The following TACC1 variants were observed in gnomAD, a reference collection of about 807,000 sequenced individuals.
TACC1 encodes transforming acidic coiled-coil containing protein 1, also known as transforming acidic coiled-coil-containing protein 1.
A neutral mutation model predicts 84.4 loss-of-function variants in TACC1; 48 were observed. The observed-to-expected ratio is 0.57, with a 90% CI of 0.45 to 0.72. The LOEUF (loss-of-function observed/expected upper bound fraction) is 0.72, where lower values mean the gene tolerates loss of function less well. Ranked by LOEUF, TACC1 falls within the 30% of genes least tolerant of loss-of-function variation. The pLI is 0.00. For synonymous variants in TACC1, 372 were observed against 376.3 expected (o/e 0.99, Z 0.13); for missense variants, 920 against 973.0 (o/e 0.95, Z 0.72).
chr8:38,848,583 C>T lies in TACC1; in HGVS notation c.*560C>T, dbSNP rs1339470308. ...GATGCTGCTGCTCTTTTCCCTGAAG[C>T]ATAGTCAAGTAAGAACTGCTCTACA... is the stretch of plus-strand genomic sequence containing the variant. On this transcript the variant is annotated 3_prime_UTR_variant, in exon 13 of 13. Transcript: ENST00000317827. 2.6e-5 allele frequency: 4 copies of T among 152,792 alleles called. No individual in the cohort carries two copies. Among genetic ancestry groups the T allele is most frequent in the Admixed American group, 1.3e-4 (2 of 15,294 alleles). 9.5% of individuals were successfully genotyped at this position (152,792 alleles called of 1,614,324 possible). A position where few individuals can be genotyped will look rare whatever the true frequency, so the allele number is the denominator to read the frequency against.
At chr8:38,779,722 A>T (rs1815553375) in intron 3 of TACC1, among the ~76,000 whole-genome samples, 1 of 152,372 alleles carries the variant, frequency 6.6e-6, no homozygotes, top group Non-Finnish European at 1.5e-5. Flanking sequence ...TACTTTTTGC[A>T]TACAATTTCA....
At chr8:38,730,153 G>C (rs1804636036) in intron 1 of TACC1, among the ~76,000 whole-genome samples, 1 of 152,238 alleles carries the variant, frequency 6.6e-6, no homozygotes, top group African/African-American at 2.4e-5. Context: ...GATTGACGGA[G>C]GGATTTCTAG....
upstream of TACC1, among the ~76,000 whole-genome samples, chr8:38,785,064 T>A (rs1159927987): frequency 2.7e-5 from 4 of 146,820 alleles, no homozygotes; most frequent in Non-Finnish European, 6.0e-5. Context: ...ATGAGCCTGC[T>A]TCCCCCTGTA....
intron 3 of TACC1, among the ~76,000 whole-genome samples, chr8:38,767,190 A>G (rs914614513): frequency 6.6e-6 from 1 of 152,200 alleles, no homozygotes; most frequent in African/African-American, 2.4e-5. Flanking sequence ...TTGAGAAAAC[A>G]AAACTAGGAA....
intron 7 of TACC1, 152 bp downstream of exon 7, chr8:38,836,439 T>A (rs1830251759): frequency 4.0e-6 from 4 of 993,582 alleles, no homozygotes; most frequent in South Asian, 1.5e-5. Context: ...GGGCCCCCTG[T>A]GGCAGTGGTG....
chr8:38,830,318 A>AGGCTGGAGTGTGGT (rs1828951122), intron 5 of TACC1, among the ~76,000 whole-genome samples: 1 of 152,122 alleles, frequency 6.6e-6, no homozygotes, highest in African/African-American at 2.4e-5. Context: ...CTTGTTGCCC[A>AGGCTGGAGTGTGGT]GGCTGGAGTG....
At chr8:38,785,673 C>G, upstream of TACC1, 1 of 985,314 alleles carries the variant, frequency 1.0e-6, no homozygotes, top group South Asian at 4.7e-5. Flanking sequence ...TATTATTTCC[C>G]AGAAACAGAA....
At position 38,820,651 on chromosome 8, in the gene TACC1, C is replaced by T. The variant is rs541861872; in HGVS notation, c.1391+16C>T. 1.1e-5 allele frequency: 17 copies of T among 1,590,150 alleles called. No individual in the cohort carries two copies. The African/African-American group carries it at 1.2e-4, about 11-fold the overall frequency. On this transcript the variant is annotated intron_variant, in intron 3 of 12. Coordinates refer to ENST00000317827, the MANE Select transcript of TACC1 (RefSeq NM_006283.3). ...GTTTAATAACGTGAGTGACAGTGGG[C>T]GCTGGGTGTCGTGCTCTGTGTCTTG...
At chr8:38,739,694 T>G (rs1806699828) in intron 1 of TACC1, among the ~76,000 whole-genome samples, 1 of 152,226 alleles carries the variant, frequency 6.6e-6, no homozygotes, top group Non-Finnish European at 1.5e-5. Flanking sequence ...TTTTGACAAA[T>G]GCATAGTGTC....
chr8:38,784,105 T>C (rs1194657486), upstream of TACC1, among the ~76,000 whole-genome samples: 2 of 152,108 alleles, frequency 1.3e-5, no homozygotes, highest in Non-Finnish European at 2.9e-5. Flanking sequence ...GTGTTCCTAG[T>C]TGTGACTTTG....
chr8:38,822,795 G>C (rs1363182974), intron 3 of TACC1, among the ~76,000 whole-genome samples: 1 of 152,044 alleles, frequency 6.6e-6, no homozygotes, highest in African/African-American at 2.4e-5. Flanking sequence ...CCATTACCTA[G>C]GCCTACTCAG....
intron 3 of TACC1, among the ~76,000 whole-genome samples, chr8:38,767,494 A>G (rs1362428579): frequency 1.3e-5 from 2 of 152,218 alleles, no homozygotes; most frequent in African/African-American, 4.8e-5. Context: ...GATGTGTGCA[A>G]ATTTCAGGAA....
upstream of TACC1, chr8:38,787,144 G>A: frequency 5.3e-6 from 5 of 947,342 alleles, no homozygotes; most frequent in Non-Finnish European, 6.3e-6. Flanking sequence ...CGCCGCCCCC[G>A]CGCGCGCGCG....
intron 1 of TACC1, among the ~76,000 whole-genome samples, chr8:38,729,404 C>T (rs181690498): frequency 1.3e-5 from 2 of 152,278 alleles, no homozygotes; most frequent in Non-Finnish European, 2.9e-5. Flanking sequence ...TCCTTGGCTT[C>T]GTGAGGGACA....
rs796460208 is a variant in TACC1 at position 38,770,946 on chromosome 8, T to C, written c.27-17758T>C. 2.9e-4 allele frequency among the ~76,000 whole-genome samples: 44 copies of C among 152,168 alleles called. 1 individual carries two copies. Among genetic ancestry groups the C allele is most frequent in the African/African-American group, 1.0e-3 (43 of 41,492 alleles). On this transcript the variant is annotated intron_variant, in intron 3 of 14. Transcript: ENST00000518415. ...GTTGCCTCACGATCTCACATATCCA[T>C]TCCTGGCACCCACCAGCCCAGGGAA...
intron 2 of TACC1, among the ~76,000 whole-genome samples, chr8:38,792,701 G>A (rs535382669): frequency 5.9e-5 from 9 of 152,206 alleles, no homozygotes; most frequent in African/African-American, 1.9e-4. Context: ...TCCTGACCTC[G>A]TGATCCGCCC....
intron 2 of TACC1, among the ~76,000 whole-genome samples, chr8:38,801,299 C>T (rs1821305009): frequency 1.3e-5 from 2 of 152,168 alleles, no homozygotes; most frequent in Admixed American, 1.3e-4. Flanking sequence ...TTGCCTAACC[C>T]ACAATCACAA....
At chr8:38,809,204 C>G (rs1161379002) in intron 2 of TACC1, among the ~76,000 whole-genome samples, 1 of 152,102 alleles carries the variant, frequency 6.6e-6, no homozygotes, top group East Asian at 1.9e-4. Flanking sequence ...TTGCATAAAT[C>G]TCTTGATTCC....
At chr8:38,830,128 G>A (rs1238528228) in intron 5 of TACC1, among the ~76,000 whole-genome samples, 2 of 152,146 alleles carry the variant, frequency 1.3e-5, no homozygotes, top group Non-Finnish European at 2.9e-5. Flanking sequence ...AGGGAGTGAT[G>A]GTCACATTTG....
Sources: gnomAD v4.1 joint callset for allele counts (sites outside exome capture counted in the v4.1 genomes callset) on GRCh38, gnomAD v4.1.1 for gene constraint, MANE v1.5 for transcripts, NCBI Gene and HGNC (gene_info 2026-07-23, HGNC 2026-07-21) for gene names.